Variants in FBXO34 observed in about 807,000 individuals in gnomAD.
FBXO34 encodes F-box protein 34.
A neutral mutation model predicts 24.5 loss-of-function variants in FBXO34; 12 were observed. The observed-to-expected ratio is 0.49, with a 90% CI of 0.31 to 0.79. FBXO34 has a LOEUF of 0.79. Among genes scored for constraint, FBXO34 ranks in the 30% least tolerant of loss-of-function variants. The pLI is 0.04. For synonymous variants in FBXO34, 320 were observed against 311.9 expected, an observed-to-expected ratio of 1.03 and a Z score of -0.27; for missense variants, 823 against 857.7, an observed-to-expected ratio of 0.96 and a Z score of 0.51.
the FBXO34 span, chr14:55,440,503 C>G: frequency 6.2e-7 from 1 of 1,611,806 alleles, no homozygotes; most frequent in East Asian, 2.2e-5. Context: ...AAGCGCGGAG[C>G]GAGCAGCCTC....
intron 1 of FBXO34, among the ~76,000 whole-genome samples, chr14:55,278,753 A>G (rs1881429563): frequency 1.3e-5 from 2 of 152,180 alleles, no homozygotes; most frequent in African/African-American, 2.4e-5. Flanking sequence ...AGTGGTGCTA[A>G]CAAGGCTCAC....
At chr14:55,294,641 A>G (rs1421186568) in intron 1 of FBXO34, among the ~76,000 whole-genome samples, 1 of 152,262 alleles carries the variant, frequency 6.6e-6, no homozygotes, top group Non-Finnish European at 1.5e-5. Context: ...TATATTTGAA[A>G]GTATTATTTC....
the FBXO34 span, among the ~76,000 whole-genome samples, chr14:55,384,814 T>C: frequency 2.2e-4 from 34 of 152,326 alleles, no homozygotes; most frequent in Non-Finnish European, 3.5e-4. Flanking sequence ...TGGTGGCTTG[T>C]GGGAATAAAC....
chr14:55,421,060 C>CAAAAAAA, the FBXO34 span, among the ~76,000 whole-genome samples: 10 of 107,556 alleles, frequency 9.3e-5, no homozygotes, highest in South Asian at 3.3e-4. Flanking sequence ...GAATCTGTCT[C>CAAAAAAA]AAAAAAAAAA....
chr14:55,424,844 C>T, the FBXO34 span, among the ~76,000 whole-genome samples: 86 of 152,134 alleles, frequency 5.7e-4, no homozygotes, highest in East Asian at 0.015. Flanking sequence ...CTCCATGGAG[C>T]GAAAGATGAT....
intron 3 of FBXO34, among the ~76,000 whole-genome samples, chr14:55,359,115 G>C (rs1884558922): frequency 6.6e-6 from 1 of 152,108 alleles, no homozygotes; most frequent in African/African-American, 2.4e-5. Context: ...GGAGGGAGTG[G>C]ACCTAGAGGG....
At chr14:55,319,065 G>A (rs551036216) in intron 1 of FBXO34, among the ~76,000 whole-genome samples, 3 of 152,258 alleles carry the variant, frequency 2.0e-5, no homozygotes, top group Admixed American at 6.5e-5. Context: ...AGGATATGAA[G>A]GTGGAAATTT....
chr14:55,410,690 T>C, the FBXO34 span, among the ~76,000 whole-genome samples: 1 of 152,234 alleles, frequency 6.6e-6, no homozygotes, highest in Non-Finnish European at 1.5e-5. Context: ...AACACTTAAC[T>C]ATTTGTGTGA....
chr14:55,383,237 C>CG, the FBXO34 span, among the ~76,000 whole-genome samples: 11 of 150,828 alleles, frequency 7.3e-5, no homozygotes, highest in African/African-American at 1.9e-4. Context: ...TGAAAATATT[C>CG]GGGGGAAAAA....
chr14:55,419,217 G>A, the FBXO34 span, among the ~76,000 whole-genome samples: 4 of 152,170 alleles, frequency 2.6e-5, no homozygotes, highest in Non-Finnish European at 1.5e-5. Context: ...GTTGCCCTGC[G>A]GCACACACAG....
downstream of FBXO34, chr14:55,368,819 T>TAA (rs1884744714): frequency 1.3e-5 from 2 of 152,208 alleles, no homozygotes. Context: ...CCAGAAAATA[T>TAA]AAGTTCAATT....
chr14:55,406,063 AT>A, the FBXO34 span, among the ~76,000 whole-genome samples: 14 of 152,228 alleles, frequency 9.2e-5, no homozygotes, highest in African/African-American at 3.4e-4. Flanking sequence ...TTCTCAACTA[AT>A]CTGCCAAACT....
intron 1 of FBXO34, among the ~76,000 whole-genome samples, chr14:55,345,170 A>G (rs1251163760): frequency 6.6e-6 from 1 of 152,096 alleles, no homozygotes; most frequent in Non-Finnish European, 1.5e-5. Context: ...TGCTCCAAGT[A>G]TGCTCAGCCA....
intron 1 of FBXO34, among the ~76,000 whole-genome samples, chr14:55,349,296 C>T (rs1884260780): frequency 6.6e-6 from 1 of 152,078 alleles, no homozygotes; most frequent in Non-Finnish European, 1.5e-5. Context: ...GACTGGAACA[C>T]TAGTCTCTGC....
At chr14:55,380,500 G>T in the FBXO34 span, 3 of 979,418 alleles carry the variant, frequency 3.1e-6, no homozygotes, top group African/African-American at 1.6e-5. Flanking sequence ...TTGGTTTATT[G>T]GAATAAATAA....
the FBXO34 span, chr14:55,428,661 C>T: frequency 1.2e-6 from 1 of 825,596 alleles, no homozygotes; most frequent in Non-Finnish European, 1.8e-6. Context: ...AGAACTCAGG[C>T]ATAGCATCTT....
exon 3 of FBXO34, chr14:55,367,589 C>G (rs1246654982): frequency 6.6e-6 from 1 of 152,136 alleles, no homozygotes; most frequent in Non-Finnish European, 1.5e-5. Flanking sequence ...TACTAAAATA[C>G]AAAAATTAGC....
chr14:55,411,995 C>G, the FBXO34 span: 2 of 623,964 alleles, frequency 3.2e-6, no homozygotes, highest in East Asian at 2.8e-5. Flanking sequence ...TGCTGAGGGG[C>G]AACAGGTCCC....
chr14:55,303,838 T>C (rs1388960293), intron 1 of FBXO34, among the ~76,000 whole-genome samples: 1 of 152,154 alleles, frequency 6.6e-6, no homozygotes, highest in Non-Finnish European at 1.5e-5. Flanking sequence ...TGTTACTGCC[T>C]AAGAAGAAAT....
Sources: gnomAD v4.1 joint callset for allele counts (sites outside exome capture counted in the v4.1 genomes callset) on GRCh38, gnomAD v4.1.1 for gene constraint, MANE v1.5 for transcripts, NCBI Gene and HGNC (gene_info 2026-07-23, HGNC 2026-07-21) for gene names.